EDIL3: variants seen among roughly 807,000 people sequenced by gnomAD.
EDIL3 encodes EGF like and discoidin domains 3.
EDIL3 carries 37 observed loss-of-function variants against 67.4 expected under a neutral mutation model. The observed-to-expected ratio is 0.55, with a 90% CI of 0.42 to 0.72. The LOEUF is 0.72. Among genes scored for constraint, EDIL3 ranks in the 30% least tolerant of loss-of-function variants. The pLI is 0.00. For synonymous variants in EDIL3, 195 were observed against 196.3 expected, an observed-to-expected ratio of 0.99 and a Z score of 0.05; for missense variants, 527 against 586.3, an observed-to-expected ratio of 0.90 and a Z score of 1.04.
At chr5:83,980,930 C>A (rs1430898403) in intron 9 of EDIL3, among the ~76,000 whole-genome samples, 1 of 151,668 alleles carries the variant, frequency 6.6e-6, no homozygotes, top group Non-Finnish European at 1.5e-5. Flanking sequence ...AGGATAAATT[C>A]AACAAAGGAA....
Position 84,289,924 on chromosome 5 carries a change from C to A in EDIL3, c.68-35712G>T, listed in dbSNP as rs892780447. Among the ~76,000 whole-genome samples, 5 of 152,204 alleles carry A rather than the reference C, an allele frequency of 3.3e-5. No individual in the cohort carries two copies. In the East Asian group the frequency reaches 9.7e-4, roughly 29 times the overall value. ...CTATACTTCCACAGACATATTCTGA[C>A]TATAAATCTTAAGTAATTTCATTTT... On this transcript the variant is annotated intron_variant, in intron 1 of 10. Transcript: ENST00000296591.
intron 6 of EDIL3, among the ~76,000 whole-genome samples, chr5:84,080,482 T>C (rs1746945110): frequency 6.6e-6 from 1 of 152,112 alleles, no homozygotes; most frequent in Admixed American, 6.6e-5. Context: ...CCAACTCTCT[T>C]CTGTTCTTGC....
intron 4 of EDIL3, among the ~76,000 whole-genome samples, chr5:84,168,576 C>T (rs1748755252): frequency 6.6e-6 from 1 of 152,110 alleles, no homozygotes; most frequent in African/African-American, 2.4e-5. Context: ...ACGCTGCCCA[C>T]ATCTATAGTA....
intron 1 of EDIL3, among the ~76,000 whole-genome samples, chr5:84,371,446 TATATAGAGAGAGAGAGAG>T (rs1161433342): frequency 1.1e-5 from 1 of 87,086 alleles, no homozygotes; most frequent in Admixed American, 1.1e-4. Context: ...TATATATATA[TATATAGAGAGAGAGAGAG>T]AGAGAGAGAG....
chr5:84,120,808 C>T (rs1747762430), intron 5 of EDIL3, among the ~76,000 whole-genome samples: 1 of 151,896 alleles, frequency 6.6e-6, no homozygotes, highest in African/African-American at 2.4e-5. Context: ...TGAGTATGAT[C>T]TTTTTAAGGT....
intron 10 of EDIL3, among the ~76,000 whole-genome samples, chr5:83,960,893 G>T (rs1411683590): frequency 6.6e-6 from 1 of 150,998 alleles, no homozygotes; most frequent in East Asian, 1.9e-4. Flanking sequence ...AATATAAATT[G>T]TTTAAATGCT....
At chr5:84,056,032 T>A (rs1294707607) in intron 9 of EDIL3, among the ~76,000 whole-genome samples, 1 of 152,156 alleles carries the variant, frequency 6.6e-6, no homozygotes, top group African/African-American at 2.4e-5. Flanking sequence ...GCAGCACTCC[T>A]CACAATAGCA....
chr5:84,158,334 A>C (rs1748530801), intron 4 of EDIL3, among the ~76,000 whole-genome samples: 2 of 152,054 alleles, frequency 1.3e-5, no homozygotes, highest in South Asian at 4.1e-4. Flanking sequence ...ATCTGCACTG[A>C]AGGAAATTAA....
In EDIL3 at chr5:84,141,943, A is replaced by C. The variant is rs368808678; in HGVS notation, c.356-4589T>G. ...TATATACACATATATATATATATATATATACATAGATCTATCTATCTATCT... is the reference window on the plus strand; with the variant it reads ...TATATACACATATATATATATATATCTATACATAGATCTATCTATCTATCT... On this transcript the variant is annotated intron_variant, in intron 4 of 10. Coordinates refer to ENST00000296591, the MANE Select transcript of EDIL3 (RefSeq NM_005711.5). 6.8e-4 allele frequency among the ~76,000 whole-genome samples: 49 copies of C among 72,064 alleles called. 1 individual carries two copies. The highest frequency in any genetic ancestry group is 2.2e-3 in the African/African-American group (46 of 21,368). The allele number at this position is 72,064 out of a possible 152,430, so 47.3% of individuals were successfully genotyped here.
chr5:83,960,477 A>G (rs959019978), intron 10 of EDIL3, among the ~76,000 whole-genome samples: 4 of 151,110 alleles, frequency 2.6e-5, no homozygotes, highest in Admixed American at 6.6e-5. Context: ...GTATGCATGT[A>G]TTAAAATATC....
intron 7 of EDIL3, among the ~76,000 whole-genome samples, chr5:84,065,842 G>A (rs943683245): frequency 2.0e-5 from 3 of 152,030 alleles, no homozygotes; most frequent in Admixed American, 6.6e-5. Context: ...TCAGCCGGGC[G>A]CGGTGGCTCA....
intron 4 of EDIL3, among the ~76,000 whole-genome samples, chr5:84,171,464 G>A (rs1028171001): frequency 6.6e-6 from 1 of 152,172 alleles, no homozygotes. Flanking sequence ...CCTATAGATA[G>A]GTTATGGGCT....
chr5:83,956,731 A>G (rs1280617954), intron 10 of EDIL3, among the ~76,000 whole-genome samples: 2 of 151,688 alleles, frequency 1.3e-5, no homozygotes, highest in Non-Finnish European at 2.9e-5. Flanking sequence ...AAGCAGAGAA[A>G]CTTCTGAATA....
chr5:84,296,920 C>T (rs772809694), intron 1 of EDIL3, among the ~76,000 whole-genome samples: 6 of 152,100 alleles, frequency 3.9e-5, no homozygotes, highest in East Asian at 1.9e-4. Flanking sequence ...CGCTGGCTCA[C>T]GCCTGCAATC....
At chr5:83,972,090 G>C (rs951282947) in intron 9 of EDIL3, among the ~76,000 whole-genome samples, 7 of 152,104 alleles carry the variant, frequency 4.6e-5, no homozygotes, top group African/African-American at 1.7e-4. Context: ...ATGTTATTTG[G>C]CATGTGCCTG....
chr5:84,126,856 T>C (rs1747878009), intron 5 of EDIL3, among the ~76,000 whole-genome samples: 1 of 152,102 alleles, frequency 6.6e-6, no homozygotes, highest in Non-Finnish European at 1.5e-5. Context: ...AGGAAAGTGC[T>C]AATGTTCTGG....
At chr5:84,050,123 G>A (rs978256681) in intron 9 of EDIL3, among the ~76,000 whole-genome samples, 26 of 150,286 alleles carry the variant, frequency 1.7e-4, no homozygotes, top group South Asian at 2.1e-4. Flanking sequence ...GTGTGAACCC[G>A]GGAGGCGGAG....
rs1343757402 is a variant in EDIL3, at chr5:84,327,453, TC to T, written c.67+56854del. On this transcript the variant is annotated intron_variant, in intron 1 of 10. Coordinates refer to ENST00000296591, the MANE Select transcript of EDIL3 (RefSeq NM_005711.5). ...TTTGACTCCATCTTTTTTGGTTTGTTCAAAGAGATTAATGTAATTATTTTAT... is the reference window on the plus strand; with the variant it reads ...TTTGACTCCATCTTTTTTGGTTTGTTAAAGAGATTAATGTAATTATTTTAT... Among the ~76,000 whole-genome samples, 3 of 152,002 alleles carry T rather than the reference TC, an allele frequency of 2.0e-5. No individual in the cohort carries two copies. In the East Asian group the frequency reaches 5.8e-4, roughly 29 times the overall value.
intron 1 of EDIL3, among the ~76,000 whole-genome samples, chr5:84,369,681 C>T (rs1414037887): frequency 1.3e-5 from 2 of 151,974 alleles, no homozygotes; most frequent in Non-Finnish European, 2.9e-5. Context: ...ATAATGATTG[C>T]ACAACATTAT....
Sources: gnomAD v4.1 joint callset for allele counts (sites outside exome capture counted in the v4.1 genomes callset) on GRCh38, gnomAD v4.1.1 for gene constraint, MANE v1.5 for transcripts, NCBI Gene and HGNC (gene_info 2026-07-23, HGNC 2026-07-21) for gene names.